Variants in UPP2 observed in about 807,000 individuals in gnomAD.
The protein encoded by UPP2 is UPase 2.
A neutral mutation model predicts 26.7 loss-of-function variants in UPP2; 23 were observed. The observed-to-expected ratio is 0.86, with a 90% CI of 0.62 to 1.22. The LOEUF is 1.22. Ranked by LOEUF, UPP2 falls within the 50% of genes most tolerant of loss-of-function variation. UPP2 has a pLI of 0.00. For synonymous variants in UPP2, 127 were observed against 141.3 expected (o/e 0.90, Z 0.72); for missense variants, 387 against 396.7 (o/e 0.98, Z 0.21).
chr2:158,013,091 A>G (rs968264874), intron 2 of UPP2, among the ~76,000 whole-genome samples: 3 of 152,152 alleles, frequency 2.0e-5, no homozygotes, highest in East Asian at 3.9e-4. Flanking sequence ...GCCTCAAGCA[A>G]TCCTCCCATC....
At chr2:158,066,492 T>A (rs1459182688) in intron 3 of UPP2, among the ~76,000 whole-genome samples, 1 of 152,220 alleles carries the variant, frequency 6.6e-6, no homozygotes, top group African/African-American at 2.4e-5. Context: ...CTATGAACAC[T>A]CTAGACCTTA....
chr2:158,057,311 G>A (rs1039070433), intron 3 of UPP2, among the ~76,000 whole-genome samples: 1 of 152,060 alleles, frequency 6.6e-6, no homozygotes, highest in African/African-American at 2.4e-5. Context: ...TTAGGCTCCT[G>A]CTCTTCAGGG....
intron 3 of UPP2, among the ~76,000 whole-genome samples, chr2:158,090,677 G>A (rs181683188): frequency 5.3e-5 from 8 of 152,132 alleles, no homozygotes; most frequent in Admixed American, 3.9e-4. Flanking sequence ...GCACGGCCAC[G>A]GACCCACATG....
intron 3 of UPP2, among the ~76,000 whole-genome samples, chr2:158,045,771 A>AGCAT (rs1189010284): frequency 1.3e-5 from 2 of 152,156 alleles, no homozygotes; most frequent in Non-Finnish European, 2.9e-5. Context: ...AAGGGTTATT[A>AGCAT]GCATCAGTAA....
intron 3 of UPP2, among the ~76,000 whole-genome samples, chr2:158,040,419 A>G (rs1002757677): frequency 6.6e-6 from 1 of 152,256 alleles, no homozygotes; most frequent in East Asian, 1.9e-4. Context: ...ATAAAAATCC[A>G]TTAATAAAAA....
intron 3 of UPP2, among the ~76,000 whole-genome samples, chr2:158,082,641 G>A (rs773711224): frequency 6.6e-6 from 1 of 152,106 alleles, no homozygotes; most frequent in Non-Finnish European, 1.5e-5. Context: ...TTCATGACAT[G>A]AGCGTAGGCG....
chr2:158,010,689 C>G (rs543014931), intron 2 of UPP2, among the ~76,000 whole-genome samples: 1 of 152,058 alleles, frequency 6.6e-6, no homozygotes, highest in Non-Finnish European at 1.5e-5. Flanking sequence ...TAAGTGAAGG[C>G]ACAGTTATAT....
chr2:158,068,649 G>A (rs1289811989), intron 3 of UPP2, among the ~76,000 whole-genome samples: 1 of 150,684 alleles, frequency 6.6e-6, no homozygotes, highest in Non-Finnish European at 1.5e-5. Context: ...TCAGATGCTT[G>A]TGTGGGCCCA....
intron 3 of UPP2, chr2:158,065,790 G>A: frequency 1.4e-6 from 1 of 701,306 alleles, no homozygotes; most frequent in Non-Finnish European, 2.6e-6. Context: ...CCAGATTGAT[G>A]ACTGGTTAAG....
At chr2:158,049,339 C>A (rs538029544) in intron 3 of UPP2, among the ~76,000 whole-genome samples, 109 of 152,292 alleles carry the variant, frequency 7.2e-4, no homozygotes, top group African/African-American at 2.4e-3. Flanking sequence ...AACCACAGCA[C>A]CTGTGTGGCA....
At chr2:158,025,451 G>A (rs1056862986) in intron 3 of UPP2, among the ~76,000 whole-genome samples, 10 of 152,164 alleles carry the variant, frequency 6.6e-5, no homozygotes, top group African/African-American at 2.2e-4. Context: ...AGCTACAGGG[G>A]AGGGAAGCCA....
intron 1 of UPP2, among the ~76,000 whole-genome samples, chr2:158,104,788 G>A (rs1000677431): frequency 6.6e-6 from 1 of 151,972 alleles, no homozygotes. Context: ...TGGGTATGGT[G>A]GCAGGCACCT....
chr2:158,049,689 G>A (rs1478920428), intron 3 of UPP2, among the ~76,000 whole-genome samples: 1 of 152,128 alleles, frequency 6.6e-6, no homozygotes, highest in African/African-American at 2.4e-5. Context: ...CACTTTAATT[G>A]ACTCATGCAT....
chr2:158,122,748 T>C (rs1683598168), intron 5 of UPP2, among the ~76,000 whole-genome samples: 1 of 149,264 alleles, frequency 6.7e-6, no homozygotes, highest in Admixed American at 6.6e-5. Context: ...TGACAAGCCC[T>C]GACCCACATC....
At chr2:158,006,223 G>A (rs183260809) in intron 2 of UPP2, among the ~76,000 whole-genome samples, 1 of 152,216 alleles carries the variant, frequency 6.6e-6, no homozygotes, top group South Asian at 2.1e-4. Flanking sequence ...ACTTTGGGAG[G>A]ACGAGGCGGG....
upstream of UPP2, among the ~76,000 whole-genome samples, chr2:158,097,269 T>G (rs1248593777): frequency 1.3e-5 from 2 of 152,150 alleles, no homozygotes; most frequent in Non-Finnish European, 2.9e-5. Context: ...AGTCAAGTCC[T>G]CCTTACTCAA....
intron 2 of UPP2, among the ~76,000 whole-genome samples, chr2:158,003,680 C>A (rs1288436699): frequency 6.7e-6 from 1 of 149,602 alleles, no homozygotes; most frequent in Non-Finnish European, 1.5e-5. Context: ...TGCACTCCAG[C>A]CTGGGCAACA....
intron 3 of UPP2, among the ~76,000 whole-genome samples, chr2:158,023,237 G>GGGGA (rs1318242010): frequency 1.4e-5 from 2 of 141,112 alleles, no homozygotes; most frequent in African/African-American, 2.5e-5. Flanking sequence ...AGTTGGGGGG[G>GGGGA]GGCATTTGGA....
chr2:158,076,675 C>T (rs1034959533), intron 3 of UPP2, among the ~76,000 whole-genome samples: 1 of 151,852 alleles, frequency 6.6e-6, no homozygotes, highest in Non-Finnish European at 1.5e-5. Context: ...TACCTCAACA[C>T]AATAAAAGCC....
Sources: gnomAD v4.1 joint callset for allele counts (sites outside exome capture counted in the v4.1 genomes callset) on GRCh38, gnomAD v4.1.1 for gene constraint, MANE v1.5 for transcripts, NCBI Gene and HGNC (gene_info 2026-07-23, HGNC 2026-07-21) for gene names.